The following ASTN2 variants were observed in gnomAD, a reference collection of about 807,000 sequenced individuals.
The protein encoded by ASTN2 is astrotactin-2.
In ASTN2, 54 loss-of-function variants were observed where a neutral mutation model predicts 139.8. The ratio of observed to expected loss-of-function variants is 0.39; its 90% confidence interval spans 0.31 to 0.48. The LOEUF (loss-of-function observed/expected upper bound fraction) is 0.48, where lower values mean the gene tolerates loss of function less well. Ranked by LOEUF, ASTN2 falls within the 20% of genes least tolerant of loss-of-function variation. The pLI, the probability that ASTN2 is intolerant of heterozygous loss-of-function variation, is 0.95. For synonymous variants in ASTN2, 756 were observed against 719.5 expected (o/e 1.05, Z -0.81); for missense variants, 1,565 against 1,725.1 (o/e 0.91, Z 1.64).
At chr9:116,673,326 G>C (rs1050544355) in intron 16 of ASTN2, among the ~76,000 whole-genome samples, 3 of 151,852 alleles carry the variant, frequency 2.0e-5, no homozygotes, top group African/African-American at 7.3e-5. Context: ...ATCTCATCTT[G>C]CTCCCAACAA....
At chr9:117,183,174 G>T (rs1244430943) in intron 3 of ASTN2, among the ~76,000 whole-genome samples, 1 of 152,080 alleles carries the variant, frequency 6.6e-6, no homozygotes, top group Non-Finnish European at 1.5e-5. Context: ...GTGATAAGTT[G>T]GTTCAAGTCT....
intron 1 of ASTN2, among the ~76,000 whole-genome samples, chr9:117,334,483 G>GAT (rs781696426): frequency 0.022 from 3,270 of 148,872 alleles, 55 homozygotes; most frequent in Non-Finnish European, 0.033. Flanking sequence ...GTATATCAGG[G>GAT]CTTTTTTTTT....
At chr9:116,727,013 AACACACACACACACACAC>A (rs34050784) in intron 15 of ASTN2, among the ~76,000 whole-genome samples, 37 of 144,422 alleles carry the variant, frequency 2.6e-4, no homozygotes, top group Admixed American at 6.9e-5. Flanking sequence ...CACTACACTC[AACACACACACACACACAC>A]ACACACACAC....
chr9:116,701,095 G>A (rs1282156901), intron 16 of ASTN2: 1 of 167,086 alleles, frequency 6.0e-6, no homozygotes, highest in East Asian at 1.9e-4. Flanking sequence ...AGGTTCCTGA[G>A]GGTTTGGTGT....
chr9:116,509,172 C>T (rs187274576), intron 19 of ASTN2, among the ~76,000 whole-genome samples: 168 of 152,258 alleles, frequency 1.1e-3, no homozygotes, highest in East Asian at 4.6e-3. Context: ...CCTCACCCCA[C>T]GACAGGCCCT....
rs530785760 is a variant in ASTN2 at position 117,029,669 on chromosome 9, C to T, written c.1423+10150G>A. Among the ~76,000 whole-genome samples the T allele has an allele frequency of 8.6e-5, 13 of 151,024 alleles. No homozygotes were observed. The East Asian group carries it at 2.5e-3, about 30-fold the overall frequency. ...GTATGGTATGCAAACGTTTGTTGAC[C>T]ATGGGAGGAAAAAAAAATGAAGGAG... On this transcript the variant is annotated intron_variant, in intron 6 of 22. Transcript: ENST00000313400.
At chr9:116,866,661 C>T (rs766511566) in intron 10 of ASTN2, among the ~76,000 whole-genome samples, 1 of 151,896 alleles carries the variant, frequency 6.6e-6, no homozygotes. Flanking sequence ...AATCCCAGCA[C>T]TTTGGGAGGC....
At chr9:116,634,640 C>T (rs993765591) in intron 17 of ASTN2, among the ~76,000 whole-genome samples, 10 of 149,656 alleles carry the variant, frequency 6.7e-5, no homozygotes, top group Non-Finnish European at 1.2e-4. Flanking sequence ...TTTTTAACAG[C>T]TGTTAGACAT....
intron 4 of ASTN2, among the ~76,000 whole-genome samples, chr9:117,136,302 A>G (rs1423619985): frequency 2.0e-5 from 3 of 152,198 alleles, no homozygotes; most frequent in African/African-American, 7.2e-5. Context: ...TGGGACATCA[A>G]TATTGTATGA....
intron 6 of ASTN2, among the ~76,000 whole-genome samples, chr9:117,016,302 T>C (rs896237559): frequency 2.0e-5 from 3 of 151,452 alleles, no homozygotes; most frequent in Non-Finnish European, 4.4e-5. Context: ...GAGGTGGGAG[T>C]GAGAGAAGTC....
At chr9:117,319,277 C>T (rs1828243857) in intron 1 of ASTN2, among the ~76,000 whole-genome samples, 1 of 152,150 alleles carries the variant, frequency 6.6e-6, no homozygotes, top group Non-Finnish European at 1.5e-5. Context: ...CTCCCAGCAG[C>T]ACAGTGGGAC....
At chr9:116,834,920 G>A (rs766821215) in intron 11 of ASTN2, among the ~76,000 whole-genome samples, 52 of 152,260 alleles carry the variant, frequency 3.4e-4, no homozygotes, top group Non-Finnish European at 6.3e-4. Context: ...ATTGTGGTAA[G>A]TGCCTGTAGT....
intron 13 of ASTN2, among the ~76,000 whole-genome samples, chr9:116,779,587 C>T (rs116799726): frequency 0.013 from 2,044 of 152,186 alleles, 39 homozygotes; most frequent in African/African-American, 0.046. Context: ...TGAGTTCCCC[C>T]GACAGGGCCT....
intron 1 of ASTN2, among the ~76,000 whole-genome samples, chr9:117,408,089 G>C (rs1475513939): frequency 6.6e-6 from 1 of 152,068 alleles, no homozygotes; most frequent in Non-Finnish European, 1.5e-5. Flanking sequence ...GAGCCAATCA[G>C]TTGGATACTC....
chr9:116,662,915 C>T (rs1564190599), intron 16 of ASTN2, among the ~76,000 whole-genome samples: 1 of 152,078 alleles, frequency 6.6e-6, no homozygotes, highest in Non-Finnish European at 1.5e-5. Flanking sequence ...AGACTGCAGT[C>T]GAAGGTCATT....
At chr9:117,200,062 T>TTTA (rs1477077535) in intron 3 of ASTN2, among the ~76,000 whole-genome samples, 2 of 150,678 alleles carry the variant, frequency 1.3e-5, no homozygotes, top group Non-Finnish European at 3.0e-5. Context: ...TTTTCTTTTT[T>TTTA]TTATTATTAT....
chr9:117,181,762 T>C (rs1831073083), intron 3 of ASTN2, among the ~76,000 whole-genome samples: 1 of 152,194 alleles, frequency 6.6e-6, no homozygotes, highest in Admixed American at 6.5e-5. Flanking sequence ...AGCATAGCAC[T>C]TGGATCTCAA....
chr9:116,534,917 G>T (rs1851543959), intron 19 of ASTN2, among the ~76,000 whole-genome samples: 1 of 152,190 alleles, frequency 6.6e-6, no homozygotes, highest in Non-Finnish European at 1.5e-5. Flanking sequence ...AGATACCCTT[G>T]TTAACTTTCT....
intron 13 of ASTN2, among the ~76,000 whole-genome samples, chr9:116,747,091 A>C (rs942141609): frequency 6.6e-6 from 1 of 152,198 alleles, no homozygotes; most frequent in Non-Finnish European, 1.5e-5. Context: ...TAGCACACAG[A>C]ATAACAAGTA....
Sources: gnomAD v4.1 joint callset for allele counts (sites outside exome capture counted in the v4.1 genomes callset) on GRCh38, gnomAD v4.1.1 for gene constraint, MANE v1.5 for transcripts, NCBI Gene and HGNC (gene_info 2026-07-23, HGNC 2026-07-21) for gene names.